The following EPN2 variants were observed in gnomAD, a reference collection of about 807,000 sequenced individuals.
EPN2 encodes the protein epsin-2.
In EPN2, 34 loss-of-function variants were observed where a neutral mutation model predicts 61.7. The ratio of observed to expected loss-of-function variants is 0.55; its 90% confidence interval spans 0.42 to 0.73. The LOEUF (loss-of-function observed/expected upper bound fraction) is 0.73. Among genes scored for constraint, EPN2 ranks in the 30% least tolerant of loss-of-function variants. EPN2 has a pLI of 0.00. For missense variants in EPN2, 714 were observed against 839.2 expected (o/e 0.85, Z 1.84); for synonymous variants, 349 against 353.6 (o/e 0.99, Z 0.15).
At chr17:19,320,986 G>C (rs1906611900) in intron 7 of EPN2, among the ~76,000 whole-genome samples, 1 of 152,208 alleles carries the variant, frequency 6.6e-6, no homozygotes, top group African/African-American at 2.4e-5. Context: ...CAGCAAAGCA[G>C]ACCCAGCCGA....
chr17:19,273,715 C>G (rs1012345976), intron 1 of EPN2, among the ~76,000 whole-genome samples: 1 of 152,132 alleles, frequency 6.6e-6, no homozygotes, highest in Non-Finnish European at 1.5e-5. Context: ...ATATAGATGC[C>G]CACTTTCAGT....
chr17:19,333,862 A>T, intron 10 of EPN2, 94 bp from the exon 11 acceptor site: 1 of 1,081,746 alleles, frequency 9.2e-7, no homozygotes, highest in Non-Finnish European at 1.3e-6. Context: ...AGGGCACAGC[A>T]GGGACCAGAA....
intron 4 of EPN2, among the ~76,000 whole-genome samples, chr17:19,288,535 C>T (rs2045427511): frequency 6.6e-6 from 1 of 152,062 alleles, no homozygotes; most frequent in Non-Finnish European, 1.5e-5. Context: ...TGGAAAGAGC[C>T]TTCCAGGCAG....
At chr17:19,319,036 AAAATAC>A (rs1226077555) in intron 7 of EPN2, among the ~76,000 whole-genome samples, 1 of 151,890 alleles carries the variant, frequency 6.6e-6, no homozygotes, top group African/African-American at 2.4e-5. Context: ...GTCTCTACTA[AAAATAC>A]AAAAAATTAG....
At chr17:19,260,126 C>A (rs2045125216) in intron 1 of EPN2, among the ~76,000 whole-genome samples, 1 of 152,220 alleles carries the variant, frequency 6.6e-6, no homozygotes, top group African/African-American at 2.4e-5. Flanking sequence ...CAGTGCCTGG[C>A]AGGTAGCAGG....
At chr17:19,242,132 GAA>G (rs5819664) in intron 1 of EPN2, among the ~76,000 whole-genome samples, 7 of 115,328 alleles carry the variant, frequency 6.1e-5, no homozygotes, top group Admixed American at 1.7e-4. Context: ...TGTTTGATCT[GAA>G]AAAAAAAAAA....
rs776952887 is a variant in EPN2, at chr17:19,285,736, C to T, written c.712C>T (p.Arg238Cys). 58 of 1,608,508 alleles carry T rather than the reference C, an allele frequency of 3.6e-5. No individual in the cohort carries two copies. The highest frequency in any genetic ancestry group is 2.1e-4 in the Middle Eastern group (1 of 4,868). The change falls in exon 4 of 11, where the codon CGC (arginine) becomes TGC (cysteine). Residue 238 changes from arginine (R) to cysteine (C), a missense_variant. Physicochemically the swap from Arg to Cys is radical, Grantham distance 180. Coordinates refer to ENST00000314728, the MANE Select transcript of EPN2 (RefSeq NM_014964.5). The surrounding 1 kb of genome is among the most constrained non-coding windows in gnomAD (Gnocchi z 4.5). ...CCTGCCGCACCTGGGGCTGGCCTCC[C>T]GCCCAAATGGCGACTGGTCCCAGCC... ...PFLPHLGLAS[R>C]PNGDWSQPCL...
intron 7 of EPN2, among the ~76,000 whole-genome samples, chr17:19,320,754 G>A (rs1906600475): frequency 6.6e-6 from 1 of 152,156 alleles, no homozygotes; most frequent in South Asian, 2.1e-4. Flanking sequence ...GAGATTATGG[G>A]CCACTCTAAT....
intron 5 of EPN2, 69 bp from the exon 6 acceptor site, chr17:19,311,983 C>T: frequency 1.0e-6 from 1 of 1,003,356 alleles, no homozygotes; most frequent in Non-Finnish European, 1.6e-6. Flanking sequence ...TTTCCTGTTT[C>T]TGGCCAGTGT....
At position 19,268,577 on chromosome 17, in the gene EPN2, T is replaced by C. The variant is rs564835257; in HGVS notation, c.-293-13378T>C. Among the ~76,000 whole-genome samples, 5 of 152,230 alleles carry C rather than the reference T, an allele frequency of 3.3e-5. No homozygotes were observed. The South Asian group carries it at 8.3e-4, about 25-fold the overall frequency. The stretch of plus-strand genomic sequence containing the variant: ...AACGATGTTATAAATCAGGCAAAAA[T>C]ATTTTAAAAATATATTGCAGAGTTT... On this transcript the variant is annotated intron_variant, in intron 1 of 10. Transcript: ENST00000314728.
chr17:19,319,179 C>T (rs1906531249), intron 7 of EPN2, among the ~76,000 whole-genome samples: 1 of 150,880 alleles, frequency 6.6e-6, no homozygotes, highest in Non-Finnish European at 1.5e-5. Context: ...GCCTGGGCAA[C>T]AGTGAGACCC....
At chr17:19,270,159 C>G (rs1198075338) in intron 1 of EPN2, among the ~76,000 whole-genome samples, 2 of 152,174 alleles carry the variant, frequency 1.3e-5, no homozygotes, top group Non-Finnish European at 2.9e-5. Context: ...AAGAATAACT[C>G]CTCCATAGGA....
chr17:19,237,864 G>A (rs570475811), intron 1 of EPN2, among the ~76,000 whole-genome samples: 87 of 152,096 alleles, frequency 5.7e-4, no homozygotes, highest in African/African-American at 2.0e-3. Context: ...TCCTACCTCG[G>A]ATCCTGGAGC....
chr17:19,276,816 CAG>C (rs985552530), intron 1 of EPN2, among the ~76,000 whole-genome samples: 11 of 107,188 alleles, frequency 1.0e-4, no homozygotes, highest in African/African-American at 5.8e-4. Context: ...AAACTTTTAA[CAG>C]AGTTTAATAC....
intron 1 of EPN2, chr17:19,279,780 A>C (rs2045342950): frequency 6.7e-6 from 1 of 149,762 alleles, no homozygotes; most frequent in South Asian, 2.1e-4. Flanking sequence ...CAACCATTTG[A>C]GACCATTTTA....
At chr17:19,267,295 A>G (rs1285202282) in intron 1 of EPN2, among the ~76,000 whole-genome samples, 2 of 151,972 alleles carry the variant, frequency 1.3e-5, no homozygotes, top group African/African-American at 4.8e-5. Context: ...ATGTTTTGGA[A>G]TAATAGTGAA....
rs540500593 is a variant in EPN2, at chr17:19,285,379, G to A, written c.596-241G>A. On this transcript the variant is annotated intron_variant, in intron 3 of 10. Coordinates refer to ENST00000314728, the MANE Select transcript of EPN2 (RefSeq NM_014964.5). This position sits in a 1 kb window ranked among gnomAD's most constrained non-coding sequence, Gnocchi z 4.5. ...CCGAGTCCAGGGCCTGTAGCCATAG[G>A]TCCTGCTGGGCTAAATGATACTGCT... 6.6e-6 allele frequency among the ~76,000 whole-genome samples: 1 copy of A among 152,324 alleles called. No homozygotes were observed. The highest frequency in any genetic ancestry group is 2.1e-4 in the South Asian group (1 of 4,822).
intron 4 of EPN2, among the ~76,000 whole-genome samples, chr17:19,301,356 T>C (rs1485799469): frequency 6.6e-6 from 1 of 152,192 alleles, no homozygotes; most frequent in Non-Finnish European, 1.5e-5. Flanking sequence ...TCATCCTACT[T>C]TACGGGGGAC....
intron 4 of EPN2, among the ~76,000 whole-genome samples, chr17:19,304,945 A>G (rs1905756242): frequency 6.6e-6 from 1 of 152,064 alleles, no homozygotes; most frequent in Non-Finnish European, 1.5e-5. Context: ...ATGCCTGTGT[A>G]CCCAGCATTG....
Sources: allele counts gnomAD v4.1 joint callset (sites outside exome capture counted in the v4.1 genomes callset), GRCh38; gene constraint gnomAD v4.1.1; non-coding constraint Gnocchi (gnomAD v3.1); transcripts MANE v1.5; gene names NCBI Gene and HGNC (gene_info 2026-07-23, HGNC 2026-07-21).